The following PRAG1 variants were observed in gnomAD, a reference collection of about 807,000 sequenced individuals.
PRAG1 encodes the protein PEAK1 related, kinase-activating pseudokinase 1, also known as inactive tyrosine-protein kinase PRAG1.
A neutral mutation model predicts 95.6 loss-of-function variants in PRAG1; 110 were observed. The observed-to-expected ratio is 1.15, with a 90% CI of 0.99 to 1.35. The LOEUF (loss-of-function observed/expected upper bound fraction) is 1.35, where lower values mean the gene tolerates loss of function less well. Ranked by LOEUF, PRAG1 falls within the 40% of genes most tolerant of loss-of-function variation. The pLI is 0.00. For missense variants in PRAG1, 2,554 were observed against 1,864.7 expected (o/e 1.37, Z -6.81); for synonymous variants, 1,052 against 819.4 (o/e 1.28, Z -4.85).
At chr8:8,333,023 A>G (rs991436517) in intron 4 of PRAG1, among the ~76,000 whole-genome samples, 1 of 152,170 alleles carries the variant, frequency 6.6e-6, no homozygotes, top group African/African-American at 2.4e-5. Flanking sequence ...TGCCTAAAAA[A>G]TCCTCCACGA....
intron 4 of PRAG1, among the ~76,000 whole-genome samples, chr8:8,332,455 T>C (rs1356326341): frequency 1.3e-5 from 2 of 152,166 alleles, no homozygotes; most frequent in African/African-American, 4.8e-5. Context: ...TGAGCTACTG[T>C]GCCCGGTCTA....
At chr8:8,327,679 C>T (rs1451857564) in intron 5 of PRAG1, 31 bp downstream of exon 5, 1 of 1,583,074 alleles carries the variant, frequency 6.3e-7, no homozygotes. Context: ...GCCAGTGGCA[C>T]AGCAGAATGC....
intron 3 of PRAG1, among the ~76,000 whole-genome samples, chr8:8,344,302 A>G (rs182830604): frequency 1.3e-5 from 2 of 152,370 alleles, no homozygotes; most frequent in Admixed American, 6.5e-5. Context: ...GTAGAAAAAA[A>G]TGAACTGGAT....
intron 3 of PRAG1, among the ~76,000 whole-genome samples, chr8:8,370,696 C>T (rs765282050): frequency 6.6e-6 from 1 of 152,190 alleles, no homozygotes; most frequent in Non-Finnish European, 1.5e-5. Flanking sequence ...CCCATCCTCC[C>T]GGTTCATGCC....
intron 5 of PRAG1, among the ~76,000 whole-genome samples, chr8:8,319,750 A>AAAAC (rs557409074): frequency 3.9e-5 from 6 of 152,236 alleles, no homozygotes; most frequent in Admixed American, 6.5e-5. Context: ...CATGGAGGAA[A>AAAAC]AAACAAACAA....
chr8:8,318,954 T>C lies in PRAG1; in HGVS notation c.3421A>G (p.Ile1141Val), dbSNP rs1321848011. Residue 1141 changes from isoleucine (I) to valine (V), a missense_variant, in exon 6 of 6, where the codon ATC becomes GTC. Transcript: ENST00000615670. The surrounding 1 kb of genome is among the most constrained non-coding windows in gnomAD (Gnocchi z 4.2). Reference sequence around the variant, plus strand: ...TCCAGGCACAGGTCCCGGTGGATGATCCCGTGCTCCTTCAGGTGCTCCAGC... The same window carrying C: ...TCCAGGCACAGGTCCCGGTGGATGACCCCGTGCTCCTTCAGGTGCTCCAGC... Reference protein sequence around the residue: ...NGLEHLKEHGIIHRDLCLENL... With the variant: ...NGLEHLKEHGVIHRDLCLENL... The C allele has an allele frequency of 6.2e-7, 1 of 1,612,748 alleles. No homozygotes were observed. Among genetic ancestry groups the C allele is most frequent in the African/African-American group, 1.3e-5 (1 of 74,844 alleles).
At chr8:8,371,043 G>T (rs1294138525) in intron 3 of PRAG1, among the ~76,000 whole-genome samples, 1 of 150,954 alleles carries the variant, frequency 6.6e-6, no homozygotes. Context: ...GGCTGAGGCA[G>T]GAAAATCGCT....
At position 8,377,061 on chromosome 8, in the gene PRAG1, C is replaced by T. The variant is rs760279552; in HGVS notation, c.1348G>A (p.Ala450Thr). The T allele has an allele frequency of 1.1e-5, 17 of 1,614,024 alleles. No homozygotes were observed. The East Asian group carries it at 3.3e-4, about 32-fold the overall frequency. The change falls in exon 3 of 6, where the codon GCC (alanine) becomes ACC (threonine). Residue 450 changes from alanine to threonine, a missense_variant. Transcript: ENST00000615670. ...CCAGATGCTGCTTTCTGGGCCCAGG[C>T]ATTACCTGTGCATACCTGGCCTTGG... ...QGQGQVCTGN[A>T]WAQKAASGWG...
At position 8,377,566 on chromosome 8, in the gene PRAG1, G is replaced by A; in HGVS notation, c.843C>T (p.Gly281=). ...CCCAGCACGTGGGTGAGCAGTCCCTGCCACCATGCCTGCCCCGGGAACCTG... is the reference window on the plus strand; with the variant it reads ...CCCAGCACGTGGGTGAGCAGTCCCTACCACCATGCCTGCCCCGGGAACCTG... ...QTAGSRGRHG[G]RDCSPTCWEQ... The change falls in exon 3 of 6, where the codon GGC becomes GGT. Residue 281 remains glycine, a synonymous_variant. Coordinates refer to ENST00000615670, the MANE Select transcript of PRAG1 (RefSeq NM_001080826.3). The A allele has an allele frequency of 1.2e-6, 2 of 1,609,570 alleles. No homozygotes were observed. The highest frequency in any genetic ancestry group is 8.5e-7 in the Non-Finnish European group (1 of 1,178,202).
chr8:8,355,224 T>C (rs1013540173), intron 3 of PRAG1, among the ~76,000 whole-genome samples: 1 of 152,110 alleles, frequency 6.6e-6, no homozygotes, highest in Non-Finnish European at 1.5e-5. Context: ...AAGATATGTA[T>C]ACTGAAAACT....
rs554200215 is a variant in PRAG1, at chr8:8,369,325, A to T, written c.2162+6922T>A. On this transcript the variant is annotated intron_variant, in intron 3 of 5. Transcript: ENST00000615670. Reference sequence around the variant, plus strand: ...CATCCCTGCACTCCCAGGAGTTTATAATTTCGGAGGAGATGCAAACGTGGA... The same window carrying T: ...CATCCCTGCACTCCCAGGAGTTTATTATTTCGGAGGAGATGCAAACGTGGA... Among the ~76,000 whole-genome samples the T allele has an allele frequency of 1.2e-4, 18 of 152,276 alleles. No individual in the cohort carries two copies. In the South Asian group the frequency reaches 3.7e-3, roughly 32 times the overall value.
intron 3 of PRAG1, among the ~76,000 whole-genome samples, chr8:8,362,766 C>T (rs1236484765): frequency 6.6e-6 from 1 of 152,184 alleles, no homozygotes; most frequent in African/African-American, 2.4e-5. Context: ...AATATTTATC[C>T]CTTACATGTA....
Position 8,377,640 on chromosome 8 carries a change from G to C in PRAG1, c.769C>G (p.Leu257Val). ...ACAGGGCTCCCAGGGCAGCAGTCCA[G>C]GATGGAGCAGTACTCTCCACCCTCG... ...DSEGGEYCSI[L>V]DCCPGSPVAK... is the part of the protein sequence containing the mutation. The change falls in exon 3 of 6, where the codon CTG (leucine) becomes GTG (valine). Residue 257 changes from leucine (L) to valine (V), a missense_variant. By Grantham distance (32) the Leu-to-Val change is conservative. Coordinates refer to ENST00000615670, the MANE Select transcript of PRAG1 (RefSeq NM_001080826.3). The C allele has an allele frequency of 5.0e-6, 8 of 1,613,636 alleles. No homozygotes were observed. The highest frequency in any genetic ancestry group is 6.8e-6 in the Non-Finnish European group (8 of 1,180,002).
At chr8:8,374,257 C>T (rs1451542970) in intron 3 of PRAG1, among the ~76,000 whole-genome samples, 1 of 152,204 alleles carries the variant, frequency 6.6e-6, no homozygotes, top group Non-Finnish European at 1.5e-5. Context: ...GAGACTCAGT[C>T]ACAGTGAGTG....
rs369974902 is a variant in PRAG1, at chr8:8,381,595, C to T, written c.153G>A (p.Ala51=). The change falls in exon 2 of 6, where the codon GCG becomes GCA. Residue 51 remains alanine (A), a synonymous_variant. Coordinates refer to ENST00000615670, the MANE Select transcript of PRAG1 (RefSeq NM_001080826.3). ...QLVAGPPQPR[A]GSLPPPPRLP... ...GGCGCGGTGGAGGGGGCAGGCTGCC[C>T]GCTCTGGGCTGGGGAGGGCCGGCCA... 1.2e-5 allele frequency: 20 copies of T among 1,613,922 alleles called. No individual in the cohort carries two copies. The highest frequency in any genetic ancestry group is 2.2e-5 in the East Asian group (1 of 44,892).
In PRAG1 at chr8:8,381,772, A is replaced by T; in HGVS notation, c.-25T>A. The T allele has an allele frequency of 6.5e-7, 1 of 1,538,576 alleles. No homozygotes were observed. The highest frequency in any genetic ancestry group is 2.3e-5 in the East Asian group (1 of 43,588). The stretch of plus-strand genomic sequence containing the variant: ...TCTTGAGCCGACAGGGTGCTGGTTC[A>T]TCTTGCGCCCGGCTCTCTGGTGCAG... On this transcript the variant is annotated 5_prime_UTR_variant, in exon 2 of 6. The change abolishes an upstream ATG in the 5' untranslated region. Coordinates refer to ENST00000615670, the MANE Select transcript of PRAG1 (RefSeq NM_001080826.3).
In PRAG1 at chr8:8,376,662, T is replaced by C. The variant is rs199715689; in HGVS notation, c.1747A>G (p.Ile583Val). The C allele has an allele frequency of 1.2e-6, 2 of 1,610,552 alleles. No homozygotes were observed. Among genetic ancestry groups the C allele is most frequent in the Non-Finnish European group, 1.7e-6 (2 of 1,179,102 alleles). Residue 583 changes from isoleucine (I) to valine (V), a missense_variant, in exon 3 of 6, where the codon ATT (isoleucine) becomes GTT (valine). Ile to Val is a conservative substitution (Grantham distance 29, BLOSUM62 3). Transcript: ENST00000615670. ...CCTTGGGATGGAGGCTGGGGCCCAA[T>C]GCTGCTGCCGCCAGAGCTCCCATCA... The part of the protein sequence containing the change: ...LSDGSSGGSS[I>V]GPQPPSQGPA...
intron 4 of PRAG1, among the ~76,000 whole-genome samples, chr8:8,337,516 C>T (rs1007273350): frequency 5.3e-5 from 8 of 151,982 alleles, no homozygotes; most frequent in Non-Finnish European, 1.2e-4. Context: ...GAATGTCATG[C>T]CTTTGGTCTC....
At chr8:8,352,673 G>C (rs894054491) in intron 3 of PRAG1, among the ~76,000 whole-genome samples, 3 of 152,110 alleles carry the variant, frequency 2.0e-5, no homozygotes, top group Non-Finnish European at 4.4e-5. Flanking sequence ...CATTATTTTA[G>C]TTTTTCCCTT....
Sources: gnomAD v4.1 joint callset for allele counts (sites outside exome capture counted in the v4.1 genomes callset) on GRCh38, gnomAD v4.1.1 for gene constraint, Gnocchi (gnomAD v3.1) non-coding constraint, MANE v1.5 for transcripts, NCBI Gene and HGNC (gene_info 2026-07-23, HGNC 2026-07-21) for gene names.